Variants in LDLRAD4 observed in about 807,000 individuals in gnomAD.
The protein encoded by LDLRAD4 is low-density lipoprotein receptor class A domain-containing protein 4.
LDLRAD4 carries 5 observed loss-of-function variants against 17.0 expected under a neutral mutation model. That is an observed-to-expected ratio of 0.29 (90% CI 0.15 to 0.62). LDLRAD4 has a LOEUF of 0.62. Ranked by LOEUF, LDLRAD4 falls within the 20% of genes least tolerant of loss-of-function variation. The probability of loss-of-function intolerance (pLI) is 0.84; values close to 1 mark genes in which losing one functional copy is unlikely to be tolerated. For synonymous variants in LDLRAD4, 168 were observed against 171.8 expected (o/e 0.98, Z 0.17); for missense variants, 340 against 424.7 (o/e 0.80, Z 1.75).
chr18:13,551,577 G>A (rs964679897), intron 3 of LDLRAD4, among the ~76,000 whole-genome samples: 1 of 152,158 alleles, frequency 6.6e-6, no homozygotes. Flanking sequence ...CCGTAGAACT[G>A]GGGGGAGTTA....
intron 1 of LDLRAD4, among the ~76,000 whole-genome samples, chr18:13,220,554 C>T (rs927157037): frequency 6.6e-6 from 1 of 152,198 alleles, no homozygotes; most frequent in Non-Finnish European, 1.5e-5. Context: ...CTCCTGCACC[C>T]CACCCTACTC....
chr18:13,337,463 T>C (rs1227897719), intron 1 of LDLRAD4, among the ~76,000 whole-genome samples: 1 of 152,190 alleles, frequency 6.6e-6, no homozygotes, highest in Admixed American at 6.5e-5. Context: ...TTCATTGTCT[T>C]TTTGCTTTTG....
At chr18:13,336,773 A>T (rs2082122010) in intron 1 of LDLRAD4, among the ~76,000 whole-genome samples, 1 of 151,014 alleles carries the variant, frequency 6.6e-6, no homozygotes. Flanking sequence ...TCTGTGGTGC[A>T]TCCCTCCCTC....
At chr18:13,642,798 G>A (rs2042696103) in intron 4 of LDLRAD4, 22 of 1,186,290 alleles carry the variant, frequency 1.9e-5, no homozygotes, top group Non-Finnish European at 2.3e-5. Context: ...ATCTAATCTG[G>A]CCAGGAGTTC....
intron 1 of LDLRAD4, among the ~76,000 whole-genome samples, chr18:13,382,982 T>A (rs2085500841): frequency 6.6e-6 from 1 of 152,226 alleles, no homozygotes; most frequent in East Asian, 1.9e-4. Context: ...TGGATAGGAC[T>A]TTGTGGGAAG....
chr18:13,616,950 C>A (rs2040142334), intron 3 of LDLRAD4, among the ~76,000 whole-genome samples: 1 of 152,204 alleles, frequency 6.6e-6, no homozygotes, highest in Non-Finnish European at 1.5e-5. Flanking sequence ...CATCCATGTG[C>A]TGTAGATGCA....
At chr18:13,513,013 C>G (rs1386080980) in intron 3 of LDLRAD4, among the ~76,000 whole-genome samples, 1 of 152,244 alleles carries the variant, frequency 6.6e-6, no homozygotes, top group Non-Finnish European at 1.5e-5. Context: ...GCCACAGATG[C>G]TAGTTGCTCA....
chr18:13,266,400 G>A (rs1226810420), intron 1 of LDLRAD4, among the ~76,000 whole-genome samples: 1 of 152,162 alleles, frequency 6.6e-6, no homozygotes, highest in African/African-American at 2.4e-5. Flanking sequence ...CCAGATGTGG[G>A]CAGGAGCAGT....
chr18:13,428,156 T>A (rs1165976587), intron 2 of LDLRAD4, among the ~76,000 whole-genome samples: 1 of 152,114 alleles, frequency 6.6e-6, no homozygotes. Flanking sequence ...TATTTGACTA[T>A]CATGTTAGAT....
At chr18:13,366,532 G>A (rs1294682845) in intron 1 of LDLRAD4, among the ~76,000 whole-genome samples, 1 of 152,158 alleles carries the variant, frequency 6.6e-6, no homozygotes, top group African/African-American at 2.4e-5. Flanking sequence ...ATTGACCACT[G>A]TGGGAGATAT....
intron 1 of LDLRAD4, among the ~76,000 whole-genome samples, chr18:13,223,787 C>T (rs1033126998): frequency 2.6e-5 from 4 of 152,214 alleles, no homozygotes; most frequent in Non-Finnish European, 4.4e-5. Context: ...ATCCTCACAG[C>T]GGCCCTGTGA....
In LDLRAD4 at chr18:13,621,049, A is replaced by G. The variant is rs2040580896; in HGVS notation, c.182-68A>G. The G allele has an allele frequency of 6.2e-7, 1 of 1,609,492 alleles. No individual in the cohort carries two copies. The highest frequency in any genetic ancestry group is 8.5e-7 in the Non-Finnish European group (1 of 1,176,888). Reference sequence around the variant, plus strand: ...TCAGGGCCTGATGGCTGGGGTGGTGACAGTGCCTGGAGAATGGGTGGGGAC... The same window carrying G: ...TCAGGGCCTGATGGCTGGGGTGGTGGCAGTGCCTGGAGAATGGGTGGGGAC... On this transcript the variant is annotated intron_variant, in intron 3 of 5. Transcript: ENST00000359446. The surrounding 1 kb of genome is among the most constrained non-coding windows in gnomAD (Gnocchi z 5.5).
chr18:13,329,963 T>G (rs994386165), intron 1 of LDLRAD4, among the ~76,000 whole-genome samples: 2 of 136,476 alleles, frequency 1.5e-5, no homozygotes, highest in Non-Finnish European at 3.2e-5. Context: ...TCCCTCCAAT[T>G]TTTTTTTTTT....
chr18:13,228,115 G>A (rs1201817397), intron 1 of LDLRAD4, among the ~76,000 whole-genome samples: 1 of 152,162 alleles, frequency 6.6e-6, no homozygotes, highest in Non-Finnish European at 1.5e-5. Flanking sequence ...TCTGTCCCAG[G>A]TGCACACCTG....
At chr18:13,439,962 T>G (rs1217120519) in intron 3 of LDLRAD4, among the ~76,000 whole-genome samples, 2 of 152,200 alleles carry the variant, frequency 1.3e-5, no homozygotes, top group African/African-American at 4.8e-5. Flanking sequence ...CAGCCAGCAC[T>G]TAGAGCAGCA....
chr18:13,563,136 A>G (rs2094558852), intron 3 of LDLRAD4: 1 of 152,232 alleles, frequency 6.6e-6, no homozygotes, highest in Admixed American at 6.5e-5. Context: ...TTGTCACTCT[A>G]TATTTTTTAG....
intron 1 of LDLRAD4, among the ~76,000 whole-genome samples, chr18:13,233,503 C>G (rs2042185370): frequency 6.6e-6 from 1 of 152,136 alleles, no homozygotes; most frequent in Non-Finnish European, 1.5e-5. Flanking sequence ...CTCCTGTGAC[C>G]TGTTTGTCAC....
Position 13,335,016 on chromosome 18 carries a change from A to G in LDLRAD4, c.-382-52325A>G, listed in dbSNP as rs142274331. ...TGTCACATTTTATATTTTCTGTCTTATAGTTTTCAAGTCTTTTTCATTATG... is the reference window on the plus strand; with the variant it reads ...TGTCACATTTTATATTTTCTGTCTTGTAGTTTTCAAGTCTTTTTCATTATG... On this transcript the variant is annotated intron_variant, in intron 1 of 5. Transcript: ENST00000359446. 8.1e-3 allele frequency among the ~76,000 whole-genome samples: 1,228 copies of G among 152,278 alleles called. 9 individuals are homozygous for G. Among genetic ancestry groups the G allele is most frequent in the Non-Finnish European group, 0.014 (973 of 68,016 alleles).
chr18:13,414,628 A>G (rs151211207), intron 2 of LDLRAD4, among the ~76,000 whole-genome samples: 2,112 of 152,368 alleles, frequency 0.014, 33 homozygotes, highest in African/African-American at 0.046. Flanking sequence ...CAGGAGGTCC[A>G]TTAAACCAAA....
Sources: gnomAD v4.1 joint callset for allele counts (sites outside exome capture counted in the v4.1 genomes callset) on GRCh38, gnomAD v4.1.1 for gene constraint, Gnocchi (gnomAD v3.1) non-coding constraint, MANE v1.5 for transcripts, NCBI Gene and HGNC (gene_info 2026-07-23, HGNC 2026-07-21) for gene names.